Variants in ERC1 observed in about 807,000 individuals in gnomAD.
ERC1 encodes RAB6 interacting protein 2.
ERC1 carries 56 observed loss-of-function variants against 132.0 expected under a neutral mutation model. The observed-to-expected ratio is 0.42, with a 90% CI of 0.34 to 0.53. The LOEUF (loss-of-function observed/expected upper bound fraction) is 0.53, where lower values mean the gene tolerates loss of function less well. Among genes scored for constraint, ERC1 ranks in the 20% least tolerant of loss-of-function variants. The pLI, the probability that ERC1 is intolerant of heterozygous loss-of-function variation, is 0.03. For missense variants in ERC1, 1,202 were observed against 1,349.9 expected, an observed-to-expected ratio of 0.89 and a Z score of 1.72; for synonymous variants, 478 against 476.1, an observed-to-expected ratio of 1.00 and a Z score of -0.05.
At chr12:995,442 A>G (rs61917255) in intron 1 of ERC1, among the ~76,000 whole-genome samples, 45,482 of 151,994 alleles carry the variant, frequency 0.3, 7,401 homozygotes, top group Non-Finnish European at 0.37. Context: ...AAACAGAAGA[A>G]TAAAGAATAA....
At chr12:1,221,825 A>G (rs1035766487) in intron 12 of ERC1, among the ~76,000 whole-genome samples, 22 of 152,210 alleles carry the variant, frequency 1.4e-4, no homozygotes, top group Non-Finnish European at 2.8e-4. Flanking sequence ...GGAAGAAGGT[A>G]AAATGAGAGA....
chr12:1,437,424 G>A (rs1309405837), intron 17 of ERC1, among the ~76,000 whole-genome samples: 1 of 152,192 alleles, frequency 6.6e-6, no homozygotes, highest in Non-Finnish European at 1.5e-5. Flanking sequence ...ACTAAAGCAA[G>A]TATAGAGATG....
chr12:1,164,403 C>T (rs984205200), intron 8 of ERC1, among the ~76,000 whole-genome samples: 15 of 152,024 alleles, frequency 9.9e-5, no homozygotes, highest in African/African-American at 2.7e-4. Flanking sequence ...AGTGCAGTGG[C>T]GCTATCTCAG....
At chr12:1,039,636 G>A (rs1220324679) in intron 2 of ERC1, among the ~76,000 whole-genome samples, 3 of 152,144 alleles carry the variant, frequency 2.0e-5, no homozygotes, top group African/African-American at 4.8e-5. Flanking sequence ...GATTAACAAC[G>A]GAAATGGATT....
At chr12:1,184,137 C>CA (rs75254476) in intron 11 of ERC1, among the ~76,000 whole-genome samples, 13,548 of 83,616 alleles carry the variant, frequency 0.16, 2,368 homozygotes, top group African/African-American at 0.47. Context: ...CTCCATCTCA[C>CA]AAAAAAAAAA....
At chr12:1,330,027 C>G (rs1260173506) in intron 15 of ERC1, among the ~76,000 whole-genome samples, 1 of 152,312 alleles carries the variant, frequency 6.6e-6, no homozygotes, top group East Asian at 1.9e-4. Flanking sequence ...GCAGTGGATT[C>G]AACCCTGAAG....
At chr12:1,396,018 G>A (rs902629720) in intron 16 of ERC1, among the ~76,000 whole-genome samples, 3 of 151,962 alleles carry the variant, frequency 2.0e-5, no homozygotes, top group Non-Finnish European at 4.4e-5. Flanking sequence ...ATCTATTTGC[G>A]TGGAAGGAAA....
intron 8 of ERC1, among the ~76,000 whole-genome samples, chr12:1,144,059 C>T (rs1950108620): frequency 6.6e-6 from 1 of 151,860 alleles, no homozygotes; most frequent in South Asian, 2.1e-4. Flanking sequence ...AATGTATGTG[C>T]CCCATTTCCT....
chr12:1,003,096 C>CAAAAA (rs59507923), intron 1 of ERC1, among the ~76,000 whole-genome samples: 2 of 86,918 alleles, frequency 2.3e-5, no homozygotes, highest in Non-Finnish European at 4.0e-5. Context: ...ATGAAAAATG[C>CAAAAA]AAAAAAAAAA....
chr12:1,266,391 CTTTTTTTTTTTT>C (rs71293128), intron 14 of ERC1, among the ~76,000 whole-genome samples: 106 of 43,010 alleles, frequency 2.5e-3, no homozygotes, highest in South Asian at 0.021. Flanking sequence ...CGTTTCCTGT[CTTTTTTTTTTTT>C]TTTTTTTTTT....
At chr12:1,345,095 A>T (rs993249772) in intron 15 of ERC1, among the ~76,000 whole-genome samples, 8 of 152,328 alleles carry the variant, frequency 5.3e-5, no homozygotes, top group African/African-American at 1.9e-4. Context: ...TATAGAAAAA[A>T]ATTAACATAT....
At chr12:1,149,577 T>C (rs186807145) in intron 8 of ERC1, among the ~76,000 whole-genome samples, 42 of 152,242 alleles carry the variant, frequency 2.8e-4, no homozygotes, top group Admixed American at 2.1e-3. Context: ...TTTTGTATTT[T>C]TTGTAGAGAT....
intron 2 of ERC1, among the ~76,000 whole-genome samples, chr12:1,049,034 T>G (rs748820680): frequency 6.6e-6 from 1 of 152,240 alleles, no homozygotes; most frequent in Non-Finnish European, 1.5e-5. Context: ...TATAAGTATC[T>G]GAGACAGCTT....
At chr12:1,147,325 G>T (rs541043851) in intron 8 of ERC1, among the ~76,000 whole-genome samples, 7 of 152,214 alleles carry the variant, frequency 4.6e-5, no homozygotes, top group African/African-American at 1.4e-4. Context: ...AATCATAAAG[G>T]GATGCTGGAT....
At position 1,315,774 on chromosome 12, in the gene ERC1, C is replaced by T. The variant is rs1055204112; in HGVS notation, c.2780+25762C>T. ...GAGGAAAGAAGAGACAAGGTGGGACCGATGGTATAATTGAGTTCATAGAAA... is the reference window on the plus strand; with the variant it reads ...GAGGAAAGAAGAGACAAGGTGGGACTGATGGTATAATTGAGTTCATAGAAA... On this transcript the variant is annotated intron_variant, in intron 15 of 18. Transcript: ENST00000360905. Among the ~76,000 whole-genome samples the T allele has an allele frequency of 5.9e-5, 9 of 152,046 alleles. No homozygotes were observed. In the South Asian group the frequency reaches 1.5e-3, roughly 25 times the overall value.
chr12:1,102,761 G>A (rs966116603), intron 3 of ERC1, among the ~76,000 whole-genome samples: 2 of 152,202 alleles, frequency 1.3e-5, no homozygotes, highest in Admixed American at 6.5e-5. Flanking sequence ...ATATGTTAGA[G>A]GGTAAGTGCT....
At chr12:1,263,587 G>T (rs1251971596) in intron 14 of ERC1, among the ~76,000 whole-genome samples, 1 of 152,170 alleles carries the variant, frequency 6.6e-6, no homozygotes, top group Non-Finnish European at 1.5e-5. Flanking sequence ...CTAATGTATT[G>T]GACGAGATGA....
At chr12:1,067,874 G>T (rs947894122) in intron 2 of ERC1, among the ~76,000 whole-genome samples, 1 of 150,078 alleles carries the variant, frequency 6.7e-6, no homozygotes, top group Admixed American at 6.6e-5. Context: ...ACAAAACTGT[G>T]TGTGTGTCCA....
chr12:1,464,170 G>T (rs1408519707), intron 18 of ERC1, among the ~76,000 whole-genome samples: 1 of 152,158 alleles, frequency 6.6e-6, no homozygotes, highest in Non-Finnish European at 1.5e-5. Context: ...ATGGAGTTTT[G>T]GTGTATATGT....
Sources: gnomAD v4.1 joint callset for allele counts (sites outside exome capture counted in the v4.1 genomes callset) on GRCh38, gnomAD v4.1.1 for gene constraint, MANE v1.5 for transcripts, NCBI Gene and HGNC (gene_info 2026-07-23, HGNC 2026-07-21) for gene names.